Variants in FAM53A observed in about 807,000 individuals in gnomAD.
FAM53A encodes protein FAM53A.
A neutral mutation model predicts 26.6 loss-of-function variants in FAM53A; 28 were observed. That is an observed-to-expected ratio of 1.05 (90% CI 0.78 to 1.45). The LOEUF (loss-of-function observed/expected upper bound fraction) is 1.45. Among genes scored for constraint, FAM53A ranks in the 40% most tolerant of loss-of-function variants. The pLI is 0.00. For synonymous variants in FAM53A, 290 were observed against 253.1 expected (o/e 1.15, Z -1.38); for missense variants, 650 against 575.8 (o/e 1.13, Z -1.32).
At chr4:1,583,470 T>A in the FAM53A span, among the ~76,000 whole-genome samples, 1 of 152,166 alleles carries the variant, frequency 6.6e-6, no homozygotes, top group African/African-American at 2.4e-5. Flanking sequence ...TGATCTGTGC[T>A]CCCAGGAGGA....
intron 4 of FAM53A, chr4:1,644,628 G>C: frequency 2.4e-6 from 1 of 415,706 alleles, no homozygotes; most frequent in East Asian, 3.8e-5. Flanking sequence ...ACTCTGGTTG[G>C]ATGGTCACTT....
At chr4:1,618,953 T>C (rs1473265234) in intron 1 of FAM53A, among the ~76,000 whole-genome samples, 2 of 151,952 alleles carry the variant, frequency 1.3e-5, no homozygotes, top group Non-Finnish European at 2.9e-5. Context: ...CAGAAACACA[T>C]CAACCTGCAC....
At chr4:1,625,018 C>T (rs1242175795) in intron 1 of FAM53A, among the ~76,000 whole-genome samples, 2 of 142,156 alleles carry the variant, frequency 1.4e-5, no homozygotes, top group Non-Finnish European at 1.5e-5. Context: ...CACGTCCCAG[C>T]CCACGTGGTC....
the FAM53A span, among the ~76,000 whole-genome samples, chr4:1,584,459 A>G: frequency 6.6e-6 from 1 of 152,264 alleles, no homozygotes; most frequent in African/African-American, 2.4e-5. Flanking sequence ...AAATTATTCT[A>G]CAACCTTGCA....
intron 1 of FAM53A, among the ~76,000 whole-genome samples, chr4:1,623,586 A>C (rs1715149194): frequency 6.6e-6 from 1 of 152,156 alleles, no homozygotes; most frequent in Non-Finnish European, 1.5e-5. Flanking sequence ...TGGCGGCTGC[A>C]CGGTGACCTT....
At chr4:1,683,621 A>C (rs1715608284) in intron 1 of FAM53A, 1 of 152,206 alleles carries the variant, frequency 6.6e-6, no homozygotes, top group Non-Finnish European at 1.5e-5. Context: ...TGAGTTTAAA[A>C]CGAAAAGTGC....
intron 4 of FAM53A, among the ~76,000 whole-genome samples, chr4:1,647,889 G>A (rs2108847041): frequency 6.6e-6 from 1 of 152,306 alleles, no homozygotes; most frequent in East Asian, 1.9e-4. Context: ...TTTTGGCCCT[G>A]AGGTGGAGAG....
Position 1,659,850 on chromosome 4 carries a change from G to A in FAM53A, c.76-2382C>T, listed in dbSNP as rs1713698124. On this transcript the variant is annotated intron_variant, in intron 2 of 4. Transcript: ENST00000308132. The surrounding 1 kb of genome is among the most constrained non-coding windows in gnomAD (Gnocchi z 5.2). ...CCTCTCTGATGCCTCTCACATATGCGCACTTAATTCCATTCATGAGGGCAC... is the reference window on the plus strand; with the variant it reads ...CCTCTCTGATGCCTCTCACATATGCACACTTAATTCCATTCATGAGGGCAC... Among the ~76,000 whole-genome samples the A allele has an allele frequency of 6.6e-6, 1 of 152,134 alleles. No homozygotes were observed.
chr4:1,586,443 C>T, the FAM53A span, among the ~76,000 whole-genome samples: 1 of 152,126 alleles, frequency 6.6e-6, no homozygotes, highest in East Asian at 1.9e-4. Flanking sequence ...GGTCCACCCC[C>T]CCAGCCATGA....
chr4:1,581,760 A>C, the FAM53A span, among the ~76,000 whole-genome samples: 1 of 151,872 alleles, frequency 6.6e-6, no homozygotes, highest in African/African-American at 2.4e-5. Flanking sequence ...ATACCCAGCT[A>C]ATTTTTATAT....
At position 1,644,160 on chromosome 4, in the gene FAM53A, CG is replaced by C. The variant is rs1560140807; in HGVS notation, c.883-2554del. On this transcript the variant is annotated intron_variant, in intron 4 of 4. Coordinates refer to ENST00000308132, the MANE Select transcript of FAM53A (RefSeq NM_001174070.3). ...CAGCACCACCAGGCTGCACTACACA[CG>C]CACCGGGGTGGCGGGGACGCTACGC... 1.2e-5 allele frequency: 18 copies of C among 1,530,460 alleles called. No individual in the cohort carries two copies. The African/African-American group carries it at 2.4e-4, about 20-fold the overall frequency. The allele number at this position is 1,530,460 out of a possible 1,614,324, so 94.8% of individuals were successfully genotyped here. A position where few individuals can be genotyped will look rare whatever the true frequency, so the allele number is the denominator to read the frequency against.
downstream of FAM53A, among the ~76,000 whole-genome samples, chr4:1,638,710 C>T (rs1715961500): frequency 6.6e-6 from 1 of 152,068 alleles, no homozygotes; most frequent in African/African-American, 2.4e-5. Flanking sequence ...ACACGTAAAC[C>T]CCAGCTCACC....
At chr4:1,677,094 C>T (rs367821081) in intron 1 of FAM53A, among the ~76,000 whole-genome samples, 47 of 152,326 alleles carry the variant, frequency 3.1e-4, no homozygotes, top group Non-Finnish European at 6.3e-4. Context: ...ACCCCTCCCC[C>T]TCATCTTGCA....
upstream of FAM53A, among the ~76,000 whole-genome samples, chr4:1,684,557 C>A (rs1018514472): frequency 3.3e-5 from 5 of 151,132 alleles, no homozygotes; most frequent in African/African-American, 1.2e-4. Flanking sequence ...CCCCTGCGCG[C>A]GTGCGTGCCT....
At chr4:1,576,496 C>T in the FAM53A span, among the ~76,000 whole-genome samples, 4 of 152,222 alleles carry the variant, frequency 2.6e-5, no homozygotes, top group African/African-American at 9.6e-5. Context: ...TCTGCCTCCG[C>T]GCGCACACTG....
At chr4:1,614,408 G>T (rs539032094), downstream of FAM53A, among the ~76,000 whole-genome samples, 1 of 139,024 alleles carries the variant, frequency 7.2e-6, no homozygotes, top group Non-Finnish European at 1.5e-5. Context: ...ATGCAGAGAC[G>T]TGAGGGGGAT....
At chr4:1,679,550 G>C (rs1396685754) in intron 1 of FAM53A, among the ~76,000 whole-genome samples, 2 of 148,442 alleles carry the variant, frequency 1.3e-5, no homozygotes, top group African/African-American at 5.0e-5. Flanking sequence ...GCCTGGCGTG[G>C]TGGCACGCAC....
At chr4:1,607,198 T>C in the FAM53A span, among the ~76,000 whole-genome samples, 1 of 152,154 alleles carries the variant, frequency 6.6e-6, no homozygotes, top group Non-Finnish European at 1.5e-5. Context: ...TTTGTATTTT[T>C]AGTACAGACA....
chr4:1,578,593 C>T, the FAM53A span, among the ~76,000 whole-genome samples: 227 of 151,332 alleles, frequency 1.5e-3, 4 homozygotes, highest in East Asian at 0.039. Flanking sequence ...GACAGACCCA[C>T]TAGACTCTGC....
Sources: allele counts gnomAD v4.1 joint callset (sites outside exome capture counted in the v4.1 genomes callset), GRCh38; gene constraint gnomAD v4.1.1; non-coding constraint Gnocchi (gnomAD v3.1); transcripts MANE v1.5; gene names NCBI Gene and HGNC (gene_info 2026-07-23, HGNC 2026-07-21).